MTA3: variants seen among roughly 807,000 people sequenced by gnomAD.
MTA3 encodes metastasis-associated protein MTA3.
In MTA3, 34 loss-of-function variants were observed where a neutral mutation model predicts 83.5. The ratio of observed to expected loss-of-function variants is 0.41; its 90% CI spans 0.31 to 0.54. The LOEUF is 0.54. Ranked by LOEUF, MTA3 falls within the 20% of genes least tolerant of loss-of-function variation. MTA3 has a pLI of 0.33. For missense variants in MTA3, 761 were observed against 726.4 expected, an observed-to-expected ratio of 1.05 and a Z score of -0.55; for synonymous variants, 303 against 252.7, an observed-to-expected ratio of 1.20 and a Z score of -1.89.
intron 16 of MTA3, among the ~76,000 whole-genome samples, chr2:42,737,450 C>G (rs1668693617): frequency 6.6e-6 from 1 of 151,886 alleles, no homozygotes; most frequent in Non-Finnish European, 1.5e-5. Context: ...ACTGTGTTCT[C>G]CCTCCCTCTT....
chr2:42,729,546 C>A (rs1282205907), intron 16 of MTA3, among the ~76,000 whole-genome samples: 1 of 152,152 alleles, frequency 6.6e-6, no homozygotes, highest in East Asian at 1.9e-4. Flanking sequence ...ATATTTTCTC[C>A]AATGTATGTT....
intron 2 of MTA3, among the ~76,000 whole-genome samples, chr2:42,558,663 C>A (rs1446108461): frequency 6.6e-6 from 1 of 151,642 alleles, no homozygotes; most frequent in Non-Finnish European, 1.5e-5. Context: ...AAGCAATTCT[C>A]CTTCCTCCCA....
At chr2:42,704,359 TTCTGGC>T (rs1378814729) in intron 12 of MTA3, 41 bp downstream of exon 12, 1 of 1,610,576 alleles carries the variant, frequency 6.2e-7, no homozygotes, top group African/African-American at 1.3e-5. Flanking sequence ...TCGGGAACTG[TTCTGGC>T]TCATGGGGTG....
At chr2:42,714,238 TACTG>T (rs1666863563) in intron 14 of MTA3, among the ~76,000 whole-genome samples, 1 of 152,258 alleles carries the variant, frequency 6.6e-6, no homozygotes, top group African/African-American at 2.4e-5. Context: ...TTGGCAGTCT[TACTG>T]ACTTGTGGGA....
chr2:42,672,980 G>A (rs1054501879), intron 8 of MTA3, among the ~76,000 whole-genome samples: 17 of 151,584 alleles, frequency 1.1e-4, no homozygotes, highest in African/African-American at 4.1e-4. Flanking sequence ...CCAAGTGGCT[G>A]GGATTACAGG....
chr2:42,568,867 C>G, intron 1 of MTA3, 94 bp downstream of exon 1: 1 of 1,164,772 alleles, frequency 8.6e-7, no homozygotes, highest in Non-Finnish European at 1.1e-6. Flanking sequence ...GAGCCAAGGG[C>G]GCCGGGGCTG....
chr2:42,573,982 CTATT>C (rs112041996), intron 2 of MTA3, among the ~76,000 whole-genome samples: 4,308 of 150,898 alleles, frequency 0.029, 132 homozygotes, highest in African/African-American at 0.084. Flanking sequence ...CTACGCCTGG[CTATT>C]TATTTATTTA....
chr2:42,554,619 A>G (rs970633720), intron 2 of MTA3, among the ~76,000 whole-genome samples: 2 of 152,200 alleles, frequency 1.3e-5, no homozygotes, highest in African/African-American at 4.8e-5. Flanking sequence ...AAAAAACAGC[A>G]GGGAAAGCCA....
At position 42,756,767 on chromosome 2, in the gene MTA3, A is replaced by T; in HGVS notation, c.*3368A>T. ...CTGTCCACCCCTCCTGTTCCTCTGCACTATGTCTCTGATTTTCCCTGCCAG... is the reference window on the plus strand; with the variant it reads ...CTGTCCACCCCTCCTGTTCCTCTGCTCTATGTCTCTGATTTTCCCTGCCAG... On this transcript the variant is annotated 3_prime_UTR_variant, in exon 17 of 17. Coordinates refer to ENST00000405094, the MANE Select transcript of MTA3 (RefSeq NM_001330442.2). 1.0e-6 allele frequency: 1 copy of T among 985,358 alleles called. No individual in the cohort carries two copies. Among genetic ancestry groups the T allele is most frequent in the Non-Finnish European group, 1.2e-6 (1 of 829,930 alleles). The allele number at this position is 985,358 out of a possible 1,614,324, so 61.0% of individuals were successfully genotyped here.
In MTA3 at chr2:42,530,443, CGCCACTGCACTCCA is replaced by C. The variant is rs544232590; in HGVS notation, c.-141+35193_-141+35206del. On this transcript the variant is annotated intron_variant, in intron 2 of 17. Coordinates refer to the MTA3 transcript ENST00000405592. Reference sequence around the variant, plus strand: ...CGGAGCTTGCAGTGAGCCGAGATGGCGCCACTGCACTCCAGCCTGGGCGACAGAGCGAGACTCCG... The same window carrying C: ...CGGAGCTTGCAGTGAGCCGAGATGGCGCCTGGGCGACAGAGCGAGACTCCG... Among the ~76,000 whole-genome samples the C allele has an allele frequency of 4.1e-3, 625 of 151,272 alleles. 8 individuals carry two copies. Among genetic ancestry groups the C allele is most frequent in the African/African-American group, 0.014 (592 of 41,218 alleles).
At chr2:42,496,080 C>T (rs1037742885) in intron 2 of MTA3, among the ~76,000 whole-genome samples, 1 of 152,200 alleles carries the variant, frequency 6.6e-6, no homozygotes, top group Non-Finnish European at 1.5e-5. Context: ...TTTGCTCTAA[C>T]ATTATTGTAG....
chr2:42,617,033 C>CT (rs879259393), intron 4 of MTA3, among the ~76,000 whole-genome samples: 14 of 152,060 alleles, frequency 9.2e-5, no homozygotes, highest in Non-Finnish European at 1.5e-4. Flanking sequence ...AATAGGAAAG[C>CT]TTTTTTGTAT....
Position 42,733,614 on chromosome 2 carries a change from G to A in MTA3, c.1759+10579G>A, listed in dbSNP as rs939368823. ...AAATTTCCTTCTTAATGTTTTCATC[G>A]ACCCACTGGTCATTCAGGAGCATAT... On this transcript the variant is annotated intron_variant, in intron 16 of 16. Transcript: ENST00000405094. 4.0e-5 allele frequency among the ~76,000 whole-genome samples: 6 copies of A among 151,850 alleles called. No individual in the cohort carries two copies. In the East Asian group the frequency reaches 7.7e-4, roughly 20 times the overall value.
intron 9 of MTA3, among the ~76,000 whole-genome samples, chr2:42,684,345 A>G (rs1293335513): frequency 3.3e-5 from 5 of 152,218 alleles, no homozygotes; most frequent in African/African-American, 1.2e-4. Flanking sequence ...TGTTTGACAC[A>G]AAGTTATTAC....
In MTA3 at chr2:42,755,266, G is replaced by C; in HGVS notation, c.*1867G>C. ...TCCCTCACCCTTTCACTTTCTCTCTGAACCCCTACTAAGTGGTGACTGCAG... is the reference window on the plus strand; with the variant it reads ...TCCCTCACCCTTTCACTTTCTCTCTCAACCCCTACTAAGTGGTGACTGCAG... On this transcript the variant is annotated 3_prime_UTR_variant, in exon 17 of 17. Transcript: ENST00000405094. 1 of 985,456 alleles carries C rather than the reference G, an allele frequency of 1.0e-6. No individual in the cohort carries two copies. Among genetic ancestry groups the C allele is most frequent in the Non-Finnish European group, 1.2e-6 (1 of 829,948 alleles). 61.0% of individuals were successfully genotyped at this position (985,456 alleles called of 1,614,324 possible).
At chr2:42,546,565 G>C (rs1440792245) in intron 2 of MTA3, among the ~76,000 whole-genome samples, 1 of 152,080 alleles carries the variant, frequency 6.6e-6, no homozygotes, top group East Asian at 1.9e-4. Flanking sequence ...ACTCCATCTA[G>C]AGGCATTTCT....
chr2:42,707,895 T>G lies in MTA3; in HGVS notation c.1151-8T>G, dbSNP rs753172435. On this transcript the variant is annotated splice_polypyrimidine_tract_variant and splice_region_variant and intron_variant, in intron 12 of 16. Transcript: ENST00000405094. ...TTTTCGTTTTTTCTTATTTTTCTTC[T>G]GCTTTAGCTACACAGTCTCACCAGT... The G allele has an allele frequency of 6.6e-7, 1 of 1,517,952 alleles. No individual in the cohort carries two copies. The highest frequency in any genetic ancestry group is 2.3e-5 in the East Asian group (1 of 42,730). 94.0% of individuals were successfully genotyped at this position (1,517,952 alleles called of 1,614,324 possible). A position where few individuals can be genotyped will look rare whatever the true frequency, so the allele number is the denominator to read the frequency against.
At chr2:42,631,849 C>T (rs1271826578) in intron 4 of MTA3, among the ~76,000 whole-genome samples, 3 of 151,898 alleles carry the variant, frequency 2.0e-5, no homozygotes, top group Admixed American at 6.6e-5. Context: ...ACCACCATGC[C>T]TGCCTAGTTT....
intron 4 of MTA3, chr2:42,613,886 G>A (rs1349902189): frequency 6.6e-6 from 1 of 152,192 alleles, no homozygotes; most frequent in African/African-American, 2.4e-5. Flanking sequence ...GGCTTGAGTA[G>A]TGAGTATCCC....
Sources: gnomAD v4.1 joint callset for allele counts (sites outside exome capture counted in the v4.1 genomes callset) on GRCh38, gnomAD v4.1.1 for gene constraint, MANE v1.5 for transcripts, NCBI Gene and HGNC (gene_info 2026-07-23, HGNC 2026-07-21) for gene names.